Variants in SYT1 observed in about 807,000 individuals in gnomAD.
The protein encoded by SYT1 is synaptotagmin-1.
In SYT1, 8 loss-of-function variants were observed where a neutral mutation model predicts 44.8. The observed-to-expected ratio is 0.18, with a 90% confidence interval of 0.10 to 0.32. The LOEUF (loss-of-function observed/expected upper bound fraction) is 0.32. Among genes scored for constraint, SYT1 ranks in the 10% least tolerant of loss-of-function variants. SYT1 has a pLI of 1.00. For synonymous variants in SYT1, 154 were observed against 188.8 expected, an observed-to-expected ratio of 0.82 and a Z score of 1.51; for missense variants, 286 against 509.3, an observed-to-expected ratio of 0.56 and a Z score of 4.22.
At chr12:79,245,486 A>AAG (rs1876790864) in intron 4 of SYT1, among the ~76,000 whole-genome samples, 1 of 148,672 alleles carries the variant, frequency 6.7e-6, no homozygotes, top group African/African-American at 2.5e-5. Context: ...AAAAAAAAAA[A>AAG]AAAGAAAAGA....
At chr12:79,118,706 A>T (rs1467937669) in intron 3 of SYT1, among the ~76,000 whole-genome samples, 1 of 152,216 alleles carries the variant, frequency 6.6e-6, no homozygotes, top group African/African-American at 2.4e-5. Context: ...TCTGAGTTTT[A>T]CAGGTGTTAA....
chr12:78,928,126 T>G (rs570881582), intron 1 of SYT1, among the ~76,000 whole-genome samples: 2 of 152,296 alleles, frequency 1.3e-5, no homozygotes, highest in East Asian at 3.9e-4. Context: ...GTATTTTTCC[T>G]TCTTGGCTGA....
intron 3 of SYT1, among the ~76,000 whole-genome samples, chr12:79,110,520 TA>T (rs1304625737): frequency 6.6e-6 from 1 of 152,182 alleles, no homozygotes; most frequent in Non-Finnish European, 1.5e-5. Context: ...TACATTTTGT[TA>T]CAGATTTACA....
chr12:79,257,781 G>A (rs1265426743), intron 4 of SYT1, among the ~76,000 whole-genome samples: 2 of 152,044 alleles, frequency 1.3e-5, no homozygotes, highest in African/African-American at 4.8e-5. Context: ...GCCACCGCGC[G>A]AATAAACCGA....
At chr12:78,878,144 G>T (rs10861071) in intron 1 of SYT1, among the ~76,000 whole-genome samples, 102,972 of 151,076 alleles carry the variant, frequency 0.68, 35,468 homozygotes, top group African/African-American at 0.79. Context: ...ACTCTTTTTT[G>T]TGTGTGTGTG....
chr12:78,935,264 A>G (rs888223690), intron 1 of SYT1, among the ~76,000 whole-genome samples: 4 of 152,004 alleles, frequency 2.6e-5, no homozygotes, highest in African/African-American at 9.7e-5. Flanking sequence ...CAAAGCAGAC[A>G]CTCTGCTGTG....
intron 1 of SYT1, among the ~76,000 whole-genome samples, chr12:78,966,469 A>G (rs1022926118): frequency 6.6e-6 from 1 of 152,176 alleles, no homozygotes; most frequent in Non-Finnish European, 1.5e-5. Flanking sequence ...AAGTCTGCCT[A>G]ATTCTAATGA....
chr12:79,058,704 A>G (rs190469981), intron 3 of SYT1, among the ~76,000 whole-genome samples: 32 of 152,136 alleles, frequency 2.1e-4, no homozygotes, highest in African/African-American at 7.7e-4. Context: ...TAACTTAAGG[A>G]ATTTCTGGCA....
chr12:79,196,896 T>G (rs1873495882), intron 3 of SYT1, among the ~76,000 whole-genome samples: 1 of 152,216 alleles, frequency 6.6e-6, no homozygotes, highest in Non-Finnish European at 1.5e-5. Context: ...ATATTCAAAT[T>G]TTAGAGGCAG....
intron 9 of SYT1, among the ~76,000 whole-genome samples, chr12:79,382,044 G>C (rs1884244430): frequency 6.6e-6 from 1 of 152,080 alleles, no homozygotes; most frequent in South Asian, 2.1e-4. Flanking sequence ...AGGTCATGCG[G>C]TATGCTTATT....
intron 2 of SYT1, among the ~76,000 whole-genome samples, chr12:78,995,541 C>T (rs7309582): frequency 6.6e-6 from 1 of 152,050 alleles, no homozygotes; most frequent in Non-Finnish European, 1.5e-5. Context: ...ATATAAGCAA[C>T]AGCAGTCTCA....
At chr12:79,298,298 T>C (rs946844726) in intron 7 of SYT1, among the ~76,000 whole-genome samples, 1 of 152,156 alleles carries the variant, frequency 6.6e-6, no homozygotes, top group East Asian at 1.9e-4. Flanking sequence ...AAAAGGATGA[T>C]GCTTACTTTT....
chr12:79,093,788 T>G (rs1877936848), intron 3 of SYT1, among the ~76,000 whole-genome samples: 1 of 151,764 alleles, frequency 6.6e-6, no homozygotes, highest in South Asian at 2.1e-4. Context: ...CCTTCTACAC[T>G]TACATACAGA....
intron 4 of SYT1, among the ~76,000 whole-genome samples, chr12:79,230,749 A>G (rs1875822112): frequency 6.6e-6 from 1 of 150,962 alleles, no homozygotes; most frequent in South Asian, 2.1e-4. Context: ...AGTAACAGTA[A>G]GCACAAAAAG....
chr12:79,328,369 T>C (rs951629975), intron 8 of SYT1, among the ~76,000 whole-genome samples: 2 of 152,200 alleles, frequency 1.3e-5, no homozygotes, highest in Admixed American at 1.3e-4. Context: ...TTTGGACATG[T>C]TCATTAAAAC....
At position 79,299,248 on chromosome 12, in the gene SYT1, T is replaced by TA. The variant is rs755451582; in HGVS notation, c.643-130dup. 7.8e-5 allele frequency: 77 copies of TA among 985,078 alleles called. 3 individuals are homozygous for TA. The highest frequency in any genetic ancestry group is 4.1e-4 in the East Asian group (15 of 36,602). 61.0% of individuals were successfully genotyped at this position (985,078 alleles called of 1,614,324 possible). On this transcript the variant is annotated intron_variant, in intron 7 of 10. Coordinates refer to ENST00000261205, the MANE Select transcript of SYT1 (RefSeq NM_005639.3). The stretch of plus-strand genomic sequence containing the variant: ...AAGCAGTTTGTCAAAAGTCTGAATT[T>TA]AAAAAATAACCAAAAACAAAATTAT...
intron 8 of SYT1, among the ~76,000 whole-genome samples, chr12:79,313,722 C>G (rs11609774): frequency 1.3e-5 from 2 of 151,800 alleles, no homozygotes; most frequent in African/African-American, 4.8e-5. Context: ...ACCATGACTC[C>G]GCTTACTACT....
In SYT1 at chr12:79,066,323, T is replaced by C. The variant is rs149615140; in HGVS notation, c.-18+18961T>C. Among the ~76,000 whole-genome samples, 5 of 152,274 alleles carry C rather than the reference T, an allele frequency of 3.3e-5. No individual in the cohort carries two copies. In the East Asian group the frequency reaches 9.6e-4, roughly 29 times the overall value. ...CAGAGTCCTTGTGGGGGCTCACAGC[T>C]GCCTATGAACTGGACATATAAGCAA... On this transcript the variant is annotated intron_variant, in intron 3 of 10. Transcript: ENST00000261205.
At chr12:79,257,689 A>T (rs1877602971) in intron 4 of SYT1, among the ~76,000 whole-genome samples, 1 of 152,142 alleles carries the variant, frequency 6.6e-6, no homozygotes, top group South Asian at 2.1e-4. Flanking sequence ...GGGTTTCACC[A>T]TGTTAGCCAG....
Sources: allele counts gnomAD v4.1 joint callset (sites outside exome capture counted in the v4.1 genomes callset), GRCh38; gene constraint gnomAD v4.1.1; transcripts MANE v1.5; gene names NCBI Gene and HGNC (gene_info 2026-07-23, HGNC 2026-07-21).